The following RBFOX3 variants were observed in gnomAD, a reference collection of about 807,000 sequenced individuals.
RBFOX3 encodes the protein RNA binding fox-1 homolog 3.
A neutral mutation model predicts 48.7 loss-of-function variants in RBFOX3; 17 were observed. That is an observed-to-expected ratio of 0.35 (90% CI 0.24 to 0.52). The LOEUF (loss-of-function observed/expected upper bound fraction) is 0.52. Ranked by LOEUF, RBFOX3 falls within the 20% of genes least tolerant of loss-of-function variation. The pLI, the probability that RBFOX3 is intolerant of heterozygous loss-of-function variation, is 0.94. For synonymous variants in RBFOX3, 212 were observed against 209.5 expected, an observed-to-expected ratio of 1.01 and a Z score of -0.10; for missense variants, 382 against 497.5, an observed-to-expected ratio of 0.77 and a Z score of 2.21.
At chr17:79,430,980 CT>C (rs148421229) in intron 2 of RBFOX3, among the ~76,000 whole-genome samples, 5,822 of 152,298 alleles carry the variant, frequency 0.038, 165 homozygotes, top group South Asian at 0.089. Context: ...GAAAGCATGT[CT>C]GATAGGTGCC....
At chr17:79,579,623 G>C (rs2092980435) in intron 1 of RBFOX3, among the ~76,000 whole-genome samples, 2 of 151,998 alleles carry the variant, frequency 1.3e-5, no homozygotes, top group African/African-American at 4.8e-5. Flanking sequence ...GGACAGGCTG[G>C]GAGCCATCAG....
At chr17:79,607,925 A>T (rs962168337) in intron 1 of RBFOX3, among the ~76,000 whole-genome samples, 8 of 152,212 alleles carry the variant, frequency 5.3e-5, no homozygotes, top group Admixed American at 4.6e-4. Flanking sequence ...GGCGCAGGAC[A>T]GAAGGCCCAC....
At position 79,473,819 on chromosome 17, in the gene RBFOX3, C is replaced by G. The variant is rs1252219473; in HGVS notation, c.-175+8635G>C. Among the ~76,000 whole-genome samples, 1 of 152,112 alleles carries G rather than the reference C, an allele frequency of 6.6e-6. No individual in the cohort carries two copies. Among genetic ancestry groups the G allele is most frequent in the Non-Finnish European group, 1.5e-5 (1 of 68,020 alleles). ...GTTCCGCCTCCATTTTTCTCCTCCT[C>G]CTAAAAGCACACACACACACTCACA... On this transcript the variant is annotated intron_variant, in intron 2 of 14. Transcript: ENST00000693108. This position sits in a 1 kb window ranked among gnomAD's most constrained non-coding sequence, Gnocchi z 4.2.
At chr17:79,656,780 A>AGAGAGAGAGAGAC in the RBFOX3 span, among the ~76,000 whole-genome samples, 3 of 27,982 alleles carry the variant, frequency 1.1e-4, no homozygotes, top group Admixed American at 8.1e-4. Flanking sequence ...GAAGGAAGGA[A>AGAGAGAGAGAGAC]AGAAAGAAAG....
chr17:79,564,769 C>T (rs894838040), intron 1 of RBFOX3, among the ~76,000 whole-genome samples: 11 of 151,090 alleles, frequency 7.3e-5, no homozygotes, highest in Admixed American at 3.3e-4. Flanking sequence ...GGTAGAAGCT[C>T]GGTGGCTCAC....
chr17:79,329,220 A>G (rs1191764128), intron 2 of RBFOX3, among the ~76,000 whole-genome samples: 1 of 151,904 alleles, frequency 6.6e-6, no homozygotes, highest in Non-Finnish European at 1.5e-5. Context: ...GATCCCTAAC[A>G]TTTCCAACCC....
chr17:79,597,472 G>A (rs1265535833), intron 1 of RBFOX3, among the ~76,000 whole-genome samples: 2 of 152,294 alleles, frequency 1.3e-5, no homozygotes, highest in South Asian at 2.1e-4. Flanking sequence ...CTCTGCCGTC[G>A]TCCTGTGTGT....
At chr17:79,152,868 C>T (rs752184036) in intron 4 of RBFOX3, among the ~76,000 whole-genome samples, 4 of 152,212 alleles carry the variant, frequency 2.6e-5, no homozygotes, top group Admixed American at 6.5e-5. Context: ...GGGACTTCGC[C>T]GCATTGCCCA....
At chr17:79,367,477 C>A (rs1224247106) in intron 2 of RBFOX3, among the ~76,000 whole-genome samples, 1 of 151,948 alleles carries the variant, frequency 6.6e-6, no homozygotes, top group Non-Finnish European at 1.5e-5. Context: ...CATGTATCAC[C>A]CAGCAGTTAG....
intron 1 of RBFOX3, among the ~76,000 whole-genome samples, chr17:79,583,694 C>T (rs926061217): frequency 1.3e-5 from 2 of 152,170 alleles, no homozygotes; most frequent in East Asian, 1.9e-4. Flanking sequence ...CCAGGAGGTA[C>T]GGTGGCTCTG....
At chr17:79,150,186 G>A (rs1365525240) in intron 4 of RBFOX3, among the ~76,000 whole-genome samples, 2 of 151,842 alleles carry the variant, frequency 1.3e-5, no homozygotes, top group Non-Finnish European at 2.9e-5. Context: ...GGCAGCGGTG[G>A]GCGGCAGCTG....
intron 3 of RBFOX3, among the ~76,000 whole-genome samples, chr17:79,260,891 G>A (rs761648022): frequency 1.2e-4 from 18 of 152,080 alleles, no homozygotes; most frequent in Admixed American, 7.9e-4. Context: ...TCCACGGGCC[G>A]CACACTGGCC....
intron 1 of RBFOX3, among the ~76,000 whole-genome samples, chr17:79,525,405 T>C (rs990128440): frequency 1.3e-5 from 2 of 152,228 alleles, no homozygotes; most frequent in Non-Finnish European, 2.9e-5. Context: ...GGGCCTCTTG[T>C]ACTCATTACA....
the RBFOX3 span, among the ~76,000 whole-genome samples, chr17:79,644,799 G>C: frequency 1.3e-5 from 2 of 152,176 alleles, no homozygotes; most frequent in Non-Finnish European, 2.9e-5. Context: ...TGTAAGCAGA[G>C]AATTCCATAT....
intron 4 of RBFOX3, among the ~76,000 whole-genome samples, chr17:79,141,131 G>A (rs936600168): frequency 8.5e-5 from 13 of 152,216 alleles, no homozygotes; most frequent in African/African-American, 4.8e-5. Flanking sequence ...CGCGGCTGTC[G>A]ATACAGGCAG....
chr17:79,142,255 G>A (rs1213134786), intron 4 of RBFOX3, among the ~76,000 whole-genome samples: 2 of 152,166 alleles, frequency 1.3e-5, no homozygotes, highest in South Asian at 2.1e-4. Context: ...CCTCTGGCCC[G>A]ACTGTATTAC....
chr17:79,655,827 T>C, the RBFOX3 span, among the ~76,000 whole-genome samples: 1 of 152,138 alleles, frequency 6.6e-6, no homozygotes, highest in Non-Finnish European at 1.5e-5. Context: ...ACTTAGCCAA[T>C]GCCTCCTCAC....
chr17:79,393,488 G>A (rs1013015137), intron 2 of RBFOX3, among the ~76,000 whole-genome samples: 4 of 152,276 alleles, frequency 2.6e-5, no homozygotes, highest in Non-Finnish European at 5.9e-5. Flanking sequence ...GCACTGCTGG[G>A]AGCTGGCTCC....
chr17:79,640,584 T>C, the RBFOX3 span, among the ~76,000 whole-genome samples: 5 of 152,212 alleles, frequency 3.3e-5, no homozygotes, highest in Non-Finnish European at 5.9e-5. Flanking sequence ...CAAAATATTA[T>C]GGTACTGATA....
Sources: gnomAD v4.1 joint callset for allele counts (sites outside exome capture counted in the v4.1 genomes callset) on GRCh38, gnomAD v4.1.1 for gene constraint, Gnocchi (gnomAD v3.1) non-coding constraint, MANE v1.5 for transcripts, NCBI Gene and HGNC (gene_info 2026-07-23, HGNC 2026-07-21) for gene names.